Variants in CDIN1 observed in about 807,000 individuals in gnomAD.
CDIN1 encodes the protein CDAN1 interacting nuclease 1, also known as CDAN1-interacting nuclease 1.
A neutral mutation model predicts 45.3 loss-of-function variants in CDIN1; 33 were observed. The observed-to-expected ratio is 0.73, with a 90% CI of 0.55 to 0.97. The LOEUF is 0.97. Among genes scored for constraint, CDIN1 ranks in the 50% least tolerant of loss-of-function variants. The pLI is 0.00. For missense variants in CDIN1, 303 were observed against 339.4 expected, an observed-to-expected ratio of 0.89 and a Z score of 0.84; for synonymous variants, 118 against 124.4, an observed-to-expected ratio of 0.95 and a Z score of 0.34.
At chr15:36,693,265 G>A (rs1190680667) in intron 7 of CDIN1, among the ~76,000 whole-genome samples, 1 of 152,080 alleles carries the variant, frequency 6.6e-6, no homozygotes, top group Non-Finnish European at 1.5e-5. Context: ...ATTCAGTATT[G>A]AAGATACAGC....
chr15:36,614,065 G>A (rs1378659371), intron 1 of CDIN1: 3 of 1,012,664 alleles, frequency 3.0e-6, no homozygotes, highest in Non-Finnish European at 4.7e-6. Context: ...CTCAAGGAGA[G>A]ACCTGTGCTG....
chr15:36,682,893 A>G (rs529020303), intron 5 of CDIN1, among the ~76,000 whole-genome samples: 1 of 152,266 alleles, frequency 6.6e-6, no homozygotes, highest in African/African-American at 2.4e-5. Context: ...AAATTGTATT[A>G]CAAACAAGAT....
Position 36,808,633 on chromosome 15 carries a change from C to A in CDIN1, c.*180C>A. 1 of 822,378 alleles carries A rather than the reference C, an allele frequency of 1.2e-6. No individual in the cohort carries two copies. The highest frequency in any genetic ancestry group is 1.9e-6 in the Non-Finnish European group (1 of 538,520). 50.9% of individuals were successfully genotyped at this position (822,378 alleles called of 1,614,324 possible). On this transcript the variant is annotated 3_prime_UTR_variant, in exon 11 of 11. Coordinates refer to ENST00000566621, the MANE Select transcript of CDIN1 (RefSeq NM_001321759.2). ...CAAGAGTTTCTGTTTTCCTTCATCC[C>A]TTGCTGATGTGAACAGCCAAGAACT...
At chr15:36,608,121 T>C (rs907272570) in intron 1 of CDIN1, among the ~76,000 whole-genome samples, 1 of 152,248 alleles carries the variant, frequency 6.6e-6, no homozygotes, top group Non-Finnish European at 1.5e-5. Flanking sequence ...TGGGCTATTA[T>C]GATTAAATGC....
chr15:36,696,411 A>G (rs1348268153), intron 7 of CDIN1: 1 of 152,224 alleles, frequency 6.6e-6, no homozygotes, highest in East Asian at 1.9e-4. Flanking sequence ...GAAGTGAAAC[A>G]AAGAAGTTTC....
intron 10 of CDIN1, among the ~76,000 whole-genome samples, chr15:36,716,899 C>T (rs1242974820): frequency 2.0e-5 from 3 of 152,186 alleles, no homozygotes; most frequent in Non-Finnish European, 4.4e-5. Context: ...ACAGTGAGAA[C>T]TGAGCAGTAA....
At position 36,579,677 on chromosome 15, in the gene CDIN1, C is replaced by A. The variant is rs558915020; in HGVS notation, c.-184C>A. On this transcript the variant is annotated 5_prime_UTR_variant, in exon 1 of 11. Transcript: ENST00000566621. ...GCGGAGGTGCCGGTGGAGCCTGGGACCGGGCGAGTCTCCGCCCCGCTTTTG... is the reference window on the plus strand; with the variant it reads ...GCGGAGGTGCCGGTGGAGCCTGGGAACGGGCGAGTCTCCGCCCCGCTTTTG... 1.8e-6 allele frequency: 1 copy of A among 562,616 alleles called. No homozygotes were observed. The highest frequency in any genetic ancestry group is 3.0e-5 in the East Asian group (1 of 33,604). The allele number at this position is 562,616 out of a possible 1,614,324, so 34.9% of individuals were successfully genotyped here.
intron 1 of CDIN1, chr15:36,613,814 G>T: frequency 2.5e-6 from 4 of 1,603,222 alleles, no homozygotes; most frequent in Non-Finnish European, 3.4e-6. Context: ...ACCCAAAGAA[G>T]CTAAGCACAT....
chr15:36,647,023 C>CTTT (rs11433757), intron 3 of CDIN1, among the ~76,000 whole-genome samples: 4,175 of 122,230 alleles, frequency 0.034, 429 homozygotes, highest in African/African-American at 0.11. Context: ...AAATAAATAT[C>CTTT]TTTTTTTTTT....
chr15:36,596,163 C>A (rs1446540078), intron 1 of CDIN1, among the ~76,000 whole-genome samples: 1 of 141,012 alleles, frequency 7.1e-6, no homozygotes, highest in East Asian at 2.2e-4. Context: ...GAGTCAGTAT[C>A]TTGTTGATGT....
chr15:36,780,258 T>C (rs1400876966), intron 10 of CDIN1, among the ~76,000 whole-genome samples: 1 of 152,188 alleles, frequency 6.6e-6, no homozygotes, highest in Non-Finnish European at 1.5e-5. Flanking sequence ...CTCAGCCCTT[T>C]TACTGAGTCT....
At chr15:36,792,515 C>T (rs1032049908) in intron 10 of CDIN1, among the ~76,000 whole-genome samples, 4 of 145,434 alleles carry the variant, frequency 2.8e-5, no homozygotes, top group Non-Finnish European at 4.5e-5. Flanking sequence ...TACTTTGTCC[C>T]AATGACTCCG....
intron 1 of CDIN1, chr15:36,618,418 G>T: frequency 1.3e-6 from 1 of 773,748 alleles, no homozygotes; most frequent in Non-Finnish European, 2.3e-6. Context: ...GGTAGGGGCA[G>T]GAGAACTCTT....
intron 10 of CDIN1, among the ~76,000 whole-genome samples, chr15:36,734,090 A>G (rs1432095433): frequency 1.3e-5 from 2 of 152,134 alleles, no homozygotes; most frequent in Non-Finnish European, 2.9e-5. Context: ...GTTTGATTTA[A>G]GAGTGAGAAT....
chr15:36,785,543 C>T (rs1254933103), intron 10 of CDIN1, among the ~76,000 whole-genome samples: 2 of 152,170 alleles, frequency 1.3e-5, no homozygotes, highest in South Asian at 4.1e-4. Context: ...CTGATACACA[C>T]ATTCACATAC....
chr15:36,797,851 A>T (rs966602884), intron 10 of CDIN1, among the ~76,000 whole-genome samples: 2 of 151,786 alleles, frequency 1.3e-5, no homozygotes, highest in South Asian at 4.2e-4. Context: ...ATGGTGGTGC[A>T]TGCCTGTAGT....
At chr15:36,622,366 C>G (rs2039236377) in intron 1 of CDIN1, among the ~76,000 whole-genome samples, 2 of 152,052 alleles carry the variant, frequency 1.3e-5, no homozygotes, top group South Asian at 4.1e-4. Flanking sequence ...AGGAAGGAAA[C>G]CCAAGCAGGT....
chr15:36,795,478 A>C (rs750155806), intron 10 of CDIN1, among the ~76,000 whole-genome samples: 1 of 152,178 alleles, frequency 6.6e-6, no homozygotes, highest in Non-Finnish European at 1.5e-5. Context: ...GGTACAGTGA[A>C]ACTTCATTGC....
chr15:36,589,038 C>T (rs1303358794), intron 1 of CDIN1, among the ~76,000 whole-genome samples: 2 of 151,934 alleles, frequency 1.3e-5, no homozygotes, highest in Non-Finnish European at 2.9e-5. Flanking sequence ...TAACCCTTAC[C>T]AGAATGATTG....
Sources: allele counts gnomAD v4.1 joint callset (sites outside exome capture counted in the v4.1 genomes callset), GRCh38; gene constraint gnomAD v4.1.1; transcripts MANE v1.5; gene names NCBI Gene and HGNC (gene_info 2026-07-23, HGNC 2026-07-21).